NRP2: variants seen among roughly 807,000 people sequenced by gnomAD.
The protein encoded by NRP2 is neuropilin 2.
Under a neutral mutation model 110.4 loss-of-function variants are expected in NRP2, and 52 were observed. That is an observed-to-expected ratio of 0.47 (90% CI 0.38 to 0.59). NRP2 has a LOEUF of 0.59. Ranked by LOEUF, NRP2 falls within the 20% of genes least tolerant of loss-of-function variation. NRP2 has a pLI of 0.00. For missense variants in NRP2, 1,049 were observed against 1,203.0 expected, an observed-to-expected ratio of 0.87 and a Z score of 1.89; for synonymous variants, 508 against 468.9, an observed-to-expected ratio of 1.08 and a Z score of -1.08.
chr2:205,792,251 A>G lies in NRP2; in HGVS notation c.2442A>G (p.Ile814Met), dbSNP rs1434195759. 3 of 1,596,366 alleles carry G rather than the reference A, an allele frequency of 1.9e-6. No individual in the cohort carries two copies. The Admixed American group carries it at 5.0e-5, about 27-fold the overall frequency. Reference sequence around the variant, plus strand: ...ATATTATAGTGGACATCCCAGAAATACATGAGAGAGAAGGATATGAAGATG... The same window carrying G: ...ATATTATAGTGGACATCCCAGAAATGCATGAGAGAGAAGGATATGAAGATG... ...ISAFAVDIPE[I>M]HEREGYEDEI... The change falls in exon 16 of 17, where the codon ATA becomes ATG. Residue 814 changes from isoleucine (I) to methionine (M), a missense_variant. By Grantham distance (10) the Ile-to-Met change is conservative. Coordinates refer to ENST00000357785, the MANE Select transcript of NRP2 (RefSeq NM_003872.3).
intron 6 of NRP2, 28 bp downstream of exon 6, chr2:205,726,110 A>C (rs372488003): frequency 7.4e-6 from 12 of 1,613,048 alleles, no homozygotes; most frequent in African/African-American, 1.3e-5. Flanking sequence ...AGAGGATGTG[A>C]GAGTGTGTAT....
At position 205,795,931 on chromosome 2, in the gene NRP2, C is replaced by T. The variant is rs943353079; in HGVS notation, c.*873C>T. On this transcript the variant is annotated 3_prime_UTR_variant, in exon 17 of 17. Coordinates refer to ENST00000357785, the MANE Select transcript of NRP2 (RefSeq NM_003872.3). ...GGTGGTGGTTTTGCCTTTTCTTTTCCCTCCTCCATGTTCTTCTAAAACATA... is the reference window on the plus strand; with the variant it reads ...GGTGGTGGTTTTGCCTTTTCTTTTCTCTCCTCCATGTTCTTCTAAAACATA... 1.4e-4 allele frequency: 21 copies of T among 152,300 alleles called. No homozygotes were observed. The highest frequency in any genetic ancestry group is 4.3e-4 in the African/African-American group (18 of 41,414). The allele number at this position is 152,300 out of a possible 1,614,324, so 9.4% of individuals were successfully genotyped here.
chr2:205,685,856 A>C (rs1253154927), intron 1 of NRP2: 2 of 152,354 alleles, frequency 1.3e-5, no homozygotes, highest in Non-Finnish European at 2.9e-5. Flanking sequence ...TTCGGAGAGG[A>C]GGGCGGAGAG....
intron 7 of NRP2, among the ~76,000 whole-genome samples, chr2:205,737,264 G>C (rs1406046342): frequency 6.6e-6 from 1 of 152,258 alleles, no homozygotes; most frequent in Non-Finnish European, 1.5e-5. Context: ...CACTTAGGCT[G>C]TAAGGGACAA....
intron 5 of NRP2, among the ~76,000 whole-genome samples, chr2:205,724,958 T>A (rs989502113): frequency 6.6e-6 from 1 of 152,108 alleles, no homozygotes; most frequent in African/African-American, 2.4e-5. Flanking sequence ...TGAGCCACCA[T>A]GTCCAGCCCC....
intron 7 of NRP2, among the ~76,000 whole-genome samples, chr2:205,737,269 G>A (rs1330622779): frequency 6.6e-6 from 1 of 152,216 alleles, no homozygotes; most frequent in African/African-American, 2.4e-5. Flanking sequence ...AGGCTGTAAG[G>A]GACAACGGGT....
At chr2:205,778,304 C>T (rs1329428949) in intron 15 of NRP2, 1 of 151,644 alleles carries the variant, frequency 6.6e-6, no homozygotes, top group African/African-American at 2.4e-5. Flanking sequence ...CACACACACT[C>T]AACTTTCTCA....
chr2:205,754,999 C>A (rs1420318658), intron 12 of NRP2, among the ~76,000 whole-genome samples: 1 of 152,106 alleles, frequency 6.6e-6, no homozygotes, highest in East Asian at 1.9e-4. Context: ...CTGAGGGCAG[C>A]CCTACCCAGG....
chr2:205,779,309 C>G (rs766306402), intron 15 of NRP2: 1 of 152,078 alleles, frequency 6.6e-6, no homozygotes, highest in African/African-American at 2.4e-5. Context: ...TAGTTCCTGG[C>G]GAAGGCAGAA....
chr2:205,709,534 T>C (rs960702448), intron 2 of NRP2, among the ~76,000 whole-genome samples: 9 of 152,222 alleles, frequency 5.9e-5, no homozygotes, highest in Non-Finnish European at 1.3e-4. Flanking sequence ...TTAAATACCT[T>C]GTCTGTAATC....
At chr2:205,733,009 C>T (rs849522) in intron 7 of NRP2, among the ~76,000 whole-genome samples, 102,770 of 151,996 alleles carry the variant, frequency 0.68, 35,206 homozygotes, top group African/African-American at 0.79. Flanking sequence ...AGTCATGTTG[C>T]GTGTGCTCTG....
chr2:205,710,691 A>G (rs1276013705), intron 2 of NRP2, among the ~76,000 whole-genome samples: 2 of 152,182 alleles, frequency 1.3e-5, no homozygotes, highest in East Asian at 3.9e-4. Flanking sequence ...GCCTTTTTAG[A>G]CATCGTGCAG....
At chr2:205,722,172 T>TCTC (rs2057031092) in intron 3 of NRP2, 87 of 280,256 alleles carry the variant, frequency 3.1e-4, no homozygotes, top group African/African-American at 2.1e-3. Flanking sequence ...CTCTCTCTCA[T>TCTC]ACACACACAC....
At chr2:205,783,188 T>C (rs572745294) in intron 15 of NRP2, among the ~76,000 whole-genome samples, 13 of 152,270 alleles carry the variant, frequency 8.5e-5, no homozygotes, top group Non-Finnish European at 1.0e-4. Flanking sequence ...AATTTTAAAC[T>C]CAGGGAGTGT....
At chr2:205,786,471 A>T (rs1392496718) in intron 15 of NRP2, among the ~76,000 whole-genome samples, 1 of 152,156 alleles carries the variant, frequency 6.6e-6, no homozygotes, top group Non-Finnish European at 1.5e-5. Flanking sequence ...CCCCCAAACA[A>T]GGTGTTGAAA....
At chr2:205,703,941 C>T (rs901702475) in intron 2 of NRP2, among the ~76,000 whole-genome samples, 5 of 152,154 alleles carry the variant, frequency 3.3e-5, no homozygotes, top group Admixed American at 3.3e-4. Context: ...AATTGTATTT[C>T]CTGGCCAGAC....
In NRP2 at chr2:205,725,234, G is replaced by A. The variant is rs2057105761; in HGVS notation, c.821-679G>A. ...AATAGGTTGATACCTGATAAGGATT[G>A]CTGGCCGATCTTAGACACATGCACA... On this transcript the variant is annotated intron_variant, in intron 5 of 16. Coordinates refer to ENST00000357785, the MANE Select transcript of NRP2 (RefSeq NM_003872.3). The surrounding 1 kb of genome is among the most constrained non-coding windows in gnomAD (Gnocchi z 4.1). 6.6e-6 allele frequency among the ~76,000 whole-genome samples: 1 copy of A among 152,220 alleles called. No homozygotes were observed. Among genetic ancestry groups the A allele is most frequent in the African/African-American group, 2.4e-5 (1 of 41,468 alleles).
intron 1 of NRP2, among the ~76,000 whole-genome samples, chr2:205,683,805 G>A (rs2056076975): frequency 6.6e-6 from 1 of 152,178 alleles, no homozygotes; most frequent in South Asian, 2.1e-4. Context: ...GTTAACTGAA[G>A]GGCTTGGGAA....
At chr2:205,767,532 C>A (rs1254291378) in intron 15 of NRP2, 14 of 412,560 alleles carry the variant, frequency 3.4e-5, no homozygotes, top group African/African-American at 6.5e-5. Context: ...GCAGAGAGAG[C>A]AGAGCAAAGT....
Sources: gnomAD v4.1 joint callset for allele counts (sites outside exome capture counted in the v4.1 genomes callset) on GRCh38, gnomAD v4.1.1 for gene constraint, Gnocchi (gnomAD v3.1) non-coding constraint, MANE v1.5 for transcripts, NCBI Gene and HGNC (gene_info 2026-07-23, HGNC 2026-07-21) for gene names.